FSTL5: variants seen among roughly 807,000 people sequenced by gnomAD.
FSTL5 encodes the protein follistatin-related protein 5.
Under a neutral mutation model 89.1 loss-of-function variants are expected in FSTL5, and 62 were observed. The observed-to-expected ratio is 0.70, with a 90% confidence interval of 0.57 to 0.86. The LOEUF is 0.86. Ranked by LOEUF, FSTL5 falls within the 40% of genes least tolerant of loss-of-function variation. The pLI is 0.00. For missense variants in FSTL5, 1,057 were observed against 1,001.6 expected (o/e 1.06, Z -0.75); for synonymous variants, 383 against 346.2 (o/e 1.11, Z -1.18).
At chr4:161,998,857 AAC>A (rs10585971) in intron 3 of FSTL5, among the ~76,000 whole-genome samples, 61,250 of 146,342 alleles carry the variant, frequency 0.42, 12,733 homozygotes, top group Non-Finnish European at 0.46. Context: ...ACACACACAC[AAC>A]ACACACACAC....
At chr4:162,015,820 T>A (rs1248798285) in intron 3 of FSTL5, among the ~76,000 whole-genome samples, 1 of 152,194 alleles carries the variant, frequency 6.6e-6, no homozygotes, top group Non-Finnish European at 1.5e-5. Flanking sequence ...CATGTCAGCT[T>A]TTCCAAAGTC....
intron 7 of FSTL5, among the ~76,000 whole-genome samples, chr4:161,590,267 T>C (rs377146601): frequency 2.0e-5 from 3 of 152,090 alleles, no homozygotes; most frequent in East Asian, 3.9e-4. Flanking sequence ...AGGCTGGGCA[T>C]GGTAGCTCAC....
intron 8 of FSTL5, among the ~76,000 whole-genome samples, chr4:161,570,264 C>A (rs1210983102): frequency 1.3e-5 from 2 of 152,032 alleles, no homozygotes; most frequent in African/African-American, 4.8e-5. Context: ...GGGTAAGCTT[C>A]ATTGAAAATG....
intron 15 of FSTL5, among the ~76,000 whole-genome samples, chr4:161,429,144 G>A (rs1375449075): frequency 6.6e-6 from 1 of 151,998 alleles, no homozygotes; most frequent in African/African-American, 2.4e-5. Flanking sequence ...GGGAAGACTG[G>A]GAAGGGCTTT....
intron 8 of FSTL5, 49 bp from the exon 9 acceptor site, chr4:161,542,742 A>T (rs1410272477): frequency 7.7e-7 from 1 of 1,291,926 alleles, no homozygotes; most frequent in African/African-American, 1.5e-5. Flanking sequence ...CATATTTTCT[A>T]TTTAATTTTC....
At chr4:161,895,737 T>C (rs1408378616) in intron 4 of FSTL5, among the ~76,000 whole-genome samples, 1 of 152,164 alleles carries the variant, frequency 6.6e-6, no homozygotes, top group Non-Finnish European at 1.5e-5. Flanking sequence ...ATGTGGCATC[T>C]CATCCTCACA....
chr4:162,131,908 C>T (rs1466952159), intron 1 of FSTL5, among the ~76,000 whole-genome samples: 1 of 152,152 alleles, frequency 6.6e-6, no homozygotes, highest in East Asian at 1.9e-4. Context: ...AGTTCCTAGG[C>T]CAGACCAAAG....
intron 1 of FSTL5, among the ~76,000 whole-genome samples, chr4:162,133,926 C>CAA (rs1732418140): frequency 6.6e-6 from 1 of 152,176 alleles, no homozygotes; most frequent in South Asian, 2.1e-4. Context: ...GACGACCTTG[C>CAA]CTCTCTCGAC....
At chr4:161,807,568 G>A (rs1156916661) in intron 4 of FSTL5, among the ~76,000 whole-genome samples, 1 of 152,110 alleles carries the variant, frequency 6.6e-6, no homozygotes, top group Non-Finnish European at 1.5e-5. Flanking sequence ...TAGGCTTGGT[G>A]GGTCATAGGT....
chr4:161,784,663 G>A (rs937296604), intron 4 of FSTL5, among the ~76,000 whole-genome samples: 7 of 151,930 alleles, frequency 4.6e-5, no homozygotes, highest in Non-Finnish European at 8.8e-5. Flanking sequence ...GGAAGGCGGA[G>A]GCGGGTGGAT....
chr4:161,425,732 G>GTT (rs1732145252), intron 15 of FSTL5, among the ~76,000 whole-genome samples: 1 of 152,124 alleles, frequency 6.6e-6, no homozygotes, highest in Non-Finnish European at 1.5e-5. Flanking sequence ...AGATGATCTG[G>GTT]TTCAATCCCC....
intron 15 of FSTL5, among the ~76,000 whole-genome samples, chr4:161,416,493 ATACAATGTGT>A (rs1375783422): frequency 1.3e-5 from 2 of 152,198 alleles, no homozygotes; most frequent in African/African-American, 2.4e-5. Context: ...CTTCAGATAC[ATACAATGTGT>A]TAATCCACCA....
At chr4:162,013,969 A>C (rs1262973104) in intron 3 of FSTL5, among the ~76,000 whole-genome samples, 1 of 152,168 alleles carries the variant, frequency 6.6e-6, no homozygotes, top group East Asian at 1.9e-4. Context: ...CTCAGAAGCC[A>C]AAATGCACTG....
At chr4:161,781,553 A>T (rs1445465232) in intron 4 of FSTL5, among the ~76,000 whole-genome samples, 1 of 152,150 alleles carries the variant, frequency 6.6e-6, no homozygotes, top group Non-Finnish European at 1.5e-5. Flanking sequence ...AAGAGCCGTG[A>T]TTATTGTAAA....
At chr4:161,673,927 A>G (rs1400306311) in intron 6 of FSTL5, among the ~76,000 whole-genome samples, 1 of 152,002 alleles carries the variant, frequency 6.6e-6, no homozygotes, top group Non-Finnish European at 1.5e-5. Context: ...AGCATTCAAA[A>G]CTTTGTAATC....
intron 12 of FSTL5, among the ~76,000 whole-genome samples, chr4:161,493,885 C>T (rs1041462533): frequency 6.6e-6 from 1 of 151,888 alleles, no homozygotes; most frequent in African/African-American, 2.4e-5. Flanking sequence ...GCTATTTGGC[C>T]CACTTAATAA....
At chr4:161,738,511 A>G (rs1739896704) in intron 6 of FSTL5, among the ~76,000 whole-genome samples, 1 of 152,136 alleles carries the variant, frequency 6.6e-6, no homozygotes, top group Admixed American at 6.5e-5. Flanking sequence ...AATGTACTAT[A>G]TAAATAAGAG....
chr4:162,144,986 A>G (rs1732915877), intron 1 of FSTL5, among the ~76,000 whole-genome samples: 1 of 148,636 alleles, frequency 6.7e-6, no homozygotes, highest in African/African-American at 2.6e-5. Context: ...TACAATATAT[A>G]TTCATTGTAT....
intron 6 of FSTL5, among the ~76,000 whole-genome samples, chr4:161,738,230 G>T (rs751676141): frequency 6.6e-6 from 1 of 152,024 alleles, no homozygotes; most frequent in African/African-American, 2.4e-5. Flanking sequence ...AAAATAAAAT[G>T]GAGATGGCTC....
Sources: allele counts gnomAD v4.1 joint callset (sites outside exome capture counted in the v4.1 genomes callset), GRCh38; gene constraint gnomAD v4.1.1; transcripts MANE v1.5; gene names NCBI Gene and HGNC (gene_info 2026-07-23, HGNC 2026-07-21).